Variants in GLIS3 observed in about 807,000 individuals in gnomAD.
GLIS3 encodes the protein GLIS family zinc finger 3.
GLIS3 carries 53 observed loss-of-function variants against 78.6 expected under a neutral mutation model. That is an observed-to-expected ratio of 0.67 (90% confidence interval 0.54 to 0.85). The LOEUF is 0.85. GLIS3 is among the 40% of genes least tolerant of loss of function. The pLI, the probability that GLIS3 is intolerant of heterozygous loss-of-function variation, is 0.00. For synonymous variants in GLIS3, 684 were observed against 509.9 expected (o/e 1.34, Z -4.60); for missense variants, 1,703 against 1,231.1 (o/e 1.38, Z -5.74).
intron 1 of GLIS3, among the ~76,000 whole-genome samples, chr9:4,298,760 G>A (rs1032015694): frequency 6.6e-6 from 1 of 152,138 alleles, no homozygotes; most frequent in Admixed American, 6.5e-5. Flanking sequence ...GGCGTGGGAG[G>A]TTATAGTTCC....
At chr9:4,107,071 G>A (rs779532056) in intron 4 of GLIS3, among the ~76,000 whole-genome samples, 1 of 152,128 alleles carries the variant, frequency 6.6e-6, no homozygotes, top group Non-Finnish European at 1.5e-5. Context: ...CAAGTTATAG[G>A]AGCCAGCACT....
At chr9:4,373,699 G>C in the GLIS3 span, among the ~76,000 whole-genome samples, 1 of 141,770 alleles carries the variant, frequency 7.1e-6, no homozygotes, top group African/African-American at 2.7e-5. Context: ...ACGGAGTCTT[G>C]CTCTTGTCGC....
the GLIS3 span, among the ~76,000 whole-genome samples, chr9:4,381,638 AG>A: frequency 6.6e-6 from 1 of 151,996 alleles, no homozygotes; most frequent in African/African-American, 2.4e-5. Flanking sequence ...GTCTTCCTGA[AG>A]GAAGTACTTC....
At chr9:3,853,283 T>TA (rs1162473652) in intron 9 of GLIS3, among the ~76,000 whole-genome samples, 6 of 152,006 alleles carry the variant, frequency 3.9e-5, no homozygotes, top group African/African-American at 1.2e-4. Flanking sequence ...ATTATTTAAC[T>TA]AAAAAAAAGA....
the GLIS3 span, among the ~76,000 whole-genome samples, chr9:4,355,203 G>A: frequency 6.6e-6 from 1 of 152,074 alleles, no homozygotes; most frequent in Non-Finnish European, 1.5e-5. Flanking sequence ...GTTGGAAAGT[G>A]TCCTGGATTT....
chr9:4,199,079 G>T (rs1309295291), intron 2 of GLIS3, among the ~76,000 whole-genome samples: 1 of 152,188 alleles, frequency 6.6e-6, no homozygotes, highest in African/African-American at 2.4e-5. Flanking sequence ...AACATGGAAA[G>T]GAAAGAACTA....
At chr9:4,035,178 G>A (rs992721826) in intron 4 of GLIS3, 3 of 152,072 alleles carry the variant, frequency 2.0e-5, no homozygotes, top group African/African-American at 7.2e-5. Context: ...AAATGTGCAC[G>A]TTTTCATTTC....
chr9:3,923,557 C>T (rs1825034718), intron 6 of GLIS3, among the ~76,000 whole-genome samples: 1 of 146,240 alleles, frequency 6.8e-6, no homozygotes, highest in Non-Finnish European at 1.5e-5. Flanking sequence ...GACAGTAGAG[C>T]CCATGTGCAA....
chr9:4,445,998 A>AT, the GLIS3 span, among the ~76,000 whole-genome samples: 3 of 152,176 alleles, frequency 2.0e-5, no homozygotes, highest in Non-Finnish European at 2.9e-5. Flanking sequence ...AAAATTTTAG[A>AT]TTTTTTTAAT....
At chr9:3,887,328 A>G (rs114185600) in intron 7 of GLIS3, among the ~76,000 whole-genome samples, 1 of 152,344 alleles carries the variant, frequency 6.6e-6, no homozygotes, top group African/African-American at 2.4e-5. Context: ...AAGGAAACAT[A>G]TTCATGTCAC....
the GLIS3 span, among the ~76,000 whole-genome samples, chr9:4,424,039 A>G: frequency 6.6e-6 from 1 of 152,244 alleles, no homozygotes; most frequent in Non-Finnish European, 1.5e-5. Flanking sequence ...TAAATGTTAG[A>G]AATATTCCCT....
chr9:3,922,942 T>C (rs1824985557), intron 6 of GLIS3, among the ~76,000 whole-genome samples: 1 of 152,106 alleles, frequency 6.6e-6, no homozygotes, highest in Non-Finnish European at 1.5e-5. Flanking sequence ...ATGGGGTCAT[T>C]GGGAACAACC....
chr9:3,960,575 C>A (rs1488565940), intron 4 of GLIS3, among the ~76,000 whole-genome samples: 1 of 152,154 alleles, frequency 6.6e-6, no homozygotes, highest in South Asian at 2.1e-4. Flanking sequence ...ATGATCCTGG[C>A]ACATAGTGGG....
At chr9:3,926,369 T>C (rs188804232) in intron 6 of GLIS3, among the ~76,000 whole-genome samples, 8 of 151,832 alleles carry the variant, frequency 5.3e-5, no homozygotes, top group Admixed American at 3.3e-4. Context: ...TAGCTGGGAC[T>C]AAAGGCGCCA....
At chr9:4,361,357 ATTAAAG>A in the GLIS3 span, among the ~76,000 whole-genome samples, 5 of 152,202 alleles carry the variant, frequency 3.3e-5, no homozygotes, top group African/African-American at 7.2e-5. Context: ...TTGCAATTGC[ATTAAAG>A]TTAAACTTCT....
At chr9:4,264,173 G>A (rs942504535) in intron 2 of GLIS3, among the ~76,000 whole-genome samples, 2 of 152,098 alleles carry the variant, frequency 1.3e-5, no homozygotes, top group African/African-American at 4.8e-5. Flanking sequence ...AAATTGTATT[G>A]CCATTCACTA....
chr9:4,108,407 A>G (rs1263462684), intron 4 of GLIS3, among the ~76,000 whole-genome samples: 1 of 152,052 alleles, frequency 6.6e-6, no homozygotes, highest in African/African-American at 2.4e-5. Flanking sequence ...CAGCATGGAA[A>G]CTCTGAGGGA....
rs1201303470 is a variant in GLIS3 at position 3,921,925 on chromosome 9, C to CACACACACAT, written c.1983+10434_1983+10435insATGTGTGTGT. On this transcript the variant is annotated intron_variant, in intron 6 of 10. Transcript: ENST00000381971. Reference sequence around the variant, plus strand: ...TATTATTCATCCATCATACTGTGTACACACACACACACACACACACACTCA... The same window carrying CACACACACAT: ...TATTATTCATCCATCATACTGTGTACACACACACATACACACACACACACACACACACTCA... Among the ~76,000 whole-genome samples the CACACACACAT allele has an allele frequency of 2.7e-5, 4 of 149,710 alleles. No individual in the cohort carries two copies. The East Asian group carries it at 7.8e-4, about 29-fold the overall frequency.
chr9:4,084,251 T>TAACA lies in GLIS3; in HGVS notation c.1710+33516_1710+33517insTGTT, dbSNP rs1459557970. On this transcript the variant is annotated intron_variant, in intron 4 of 10. Coordinates refer to ENST00000381971, the MANE Select transcript of GLIS3 (RefSeq NM_001042413.2). ...GTAATCTCTCTCTCCTTCCTTCCTC[T>TAACA]CTCTAACACACACACACACACACAC... Among the ~76,000 whole-genome samples, 4 of 109,738 alleles carry TAACA rather than the reference T, an allele frequency of 3.6e-5. No individual in the cohort carries two copies. The Admixed American group carries it at 4.5e-4, about 12-fold the overall frequency. The allele number at this position is 109,738 out of a possible 152,430, so 72.0% of individuals were successfully genotyped here.
Sources: allele counts gnomAD v4.1 joint callset (sites outside exome capture counted in the v4.1 genomes callset), GRCh38; gene constraint gnomAD v4.1.1; transcripts MANE v1.5; gene names NCBI Gene and HGNC (gene_info 2026-07-23, HGNC 2026-07-21).